The following AP5M1 variants were observed in gnomAD, a reference collection of about 807,000 sequenced individuals.
AP5M1 encodes the protein adaptor related protein complex 5 subunit mu 1.
A neutral mutation model predicts 52.3 loss-of-function variants in AP5M1; 44 were observed. The ratio of observed to expected loss-of-function variants is 0.84; its 90% confidence interval spans 0.66 to 1.08. The LOEUF is 1.08. AP5M1 is among the 50% of genes least tolerant of loss of function. AP5M1 has a pLI of 0.00. For synonymous variants in AP5M1, 213 were observed against 199.0 expected, an observed-to-expected ratio of 1.07 and a Z score of -0.59; for missense variants, 526 against 568.4, an observed-to-expected ratio of 0.93 and a Z score of 0.76.
rs769675499 is a variant in AP5M1 at position 57,274,778 on chromosome 14, C to T, written c.609C>T (p.Tyr203=). ...AGCCAGCTTGGAAAACTGGGACGTA[C>T]AAAGGAAAACCACAAGTTTCTATTT... is the stretch of plus-strand genomic sequence containing the variant. ...QKQPAWKTGT[Y]KGKPQVSISI... The change falls in exon 2 of 8, where the codon TAC becomes TAT. Residue 203 remains tyrosine (Y), a synonymous_variant. Coordinates refer to ENST00000261558, the MANE Select transcript of AP5M1 (RefSeq NM_018229.4). The T allele has an allele frequency of 1.9e-6, 3 of 1,614,052 alleles. No individual in the cohort carries two copies. Among genetic ancestry groups the T allele is most frequent in the East Asian group, 4.5e-5 (2 of 44,872 alleles).
intron 1 of AP5M1, among the ~76,000 whole-genome samples, chr14:57,273,980 C>G (rs953777144): frequency 8.5e-5 from 13 of 152,138 alleles, no homozygotes; most frequent in African/African-American, 3.1e-4. Context: ...CAATCATGTA[C>G]TCTACCTAAA....
At position 57,294,253 on chromosome 14, in the gene AP5M1, A is replaced by C. The variant is rs1833873457; in HGVS notation, c.*5369A>C. 6.6e-6 allele frequency: 1 copy of C among 151,836 alleles called. No homozygotes were observed. The highest frequency in any genetic ancestry group is 3.2e-3 in the Middle Eastern group (1 of 316). The allele number at this position is 151,836 out of a possible 1,614,324, so 9.4% of individuals were successfully genotyped here. On this transcript the variant is annotated 3_prime_UTR_variant, in exon 8 of 8. Coordinates refer to ENST00000261558, the MANE Select transcript of AP5M1 (RefSeq NM_018229.4). ...AAACCACCTGCTGAATTTTTTTTCCAGTAGGATGTGAAATTTTGCACTTCT... is the reference window on the plus strand; with the variant it reads ...AAACCACCTGCTGAATTTTTTTTCCCGTAGGATGTGAAATTTTGCACTTCT...
chr14:57,271,160 G>GTAC (rs1555331165), intron 1 of AP5M1: 1 of 152,222 alleles, frequency 6.6e-6, no homozygotes, highest in African/African-American at 2.4e-5. Flanking sequence ...TTGCTCTGTA[G>GTAC]TACTCATGGT....
chr14:57,271,823 G>A (rs1401534288), intron 1 of AP5M1, among the ~76,000 whole-genome samples: 3 of 152,054 alleles, frequency 2.0e-5, no homozygotes, highest in Admixed American at 2.0e-4. Flanking sequence ...GTCCATCTTT[G>A]GATATGATGT....
At chr14:57,275,608 G>A (rs75160644) in intron 2 of AP5M1, 10 of 152,292 alleles carry the variant, frequency 6.6e-5, no homozygotes, top group African/African-American at 2.4e-4. Context: ...GTGGAATAAG[G>A]CTCCACCTAT....
In AP5M1 at chr14:57,290,403, C is replaced by A. The variant is rs942639132; in HGVS notation, c.*1519C>A. 6 of 151,900 alleles carry A rather than the reference C, an allele frequency of 3.9e-5. No individual in the cohort carries two copies. The highest frequency in any genetic ancestry group is 1.4e-4 in the African/African-American group (6 of 41,392). 9.4% of individuals were successfully genotyped at this position (151,900 alleles called of 1,614,324 possible). On this transcript the variant is annotated 3_prime_UTR_variant, in exon 8 of 8. Coordinates refer to ENST00000261558, the MANE Select transcript of AP5M1 (RefSeq NM_018229.4). ...TTTTGAAAGAAGAAAATATCATTCC[C>A]TATAAGTTATTTGATCTCTCTTAAA...
chr14:57,274,507 A>T lies in AP5M1; in HGVS notation c.338A>T (p.Glu113Val), dbSNP rs1013032443. The T allele has an allele frequency of 8.7e-6, 14 of 1,614,224 alleles. No individual in the cohort carries two copies. The highest frequency in any genetic ancestry group is 1.2e-5 in the Non-Finnish European group (14 of 1,180,038). Reference sequence around the variant, plus strand: ...ATATATGCTTGTGTTCCACTAGTTGAACAAACTCTGTCCCCTCGTCCGCCA... The same window carrying T: ...ATATATGCTTGTGTTCCACTAGTTGTACAAACTCTGTCCCCTCGTCCGCCA... ...DMIYACVPLV[E>V]QTLSPRPPLI... Residue 113 changes from glutamate (E) to valine (V), a missense_variant, in exon 2 of 8, where the codon GAA becomes GTA. Glu to Val is a moderately radical substitution (Grantham distance 121). Transcript: ENST00000261558.
Position 57,291,249 on chromosome 14 carries a change from A to T in AP5M1, c.*2365A>T, listed in dbSNP as rs1885428165. On this transcript the variant is annotated 3_prime_UTR_variant, in exon 8 of 8. Transcript: ENST00000261558. ...TGAATATGAGCAACTACTTCCAGTG[A>T]AAGATTTGGATAGTGTCAGACCTTC... 1.3e-5 allele frequency: 2 copies of T among 151,920 alleles called. No homozygotes were observed. Among genetic ancestry groups the T allele is most frequent in the African/African-American group, 2.4e-5 (1 of 41,408 alleles). 9.4% of individuals were successfully genotyped at this position (151,920 alleles called of 1,614,324 possible).
chr14:57,290,493 T>C lies in AP5M1; in HGVS notation c.*1609T>C, dbSNP rs1885413865. Reference sequence around the variant, plus strand: ...GTAATGGAGCCATTTGGAATCTTGATTGTATAAATGTTTACCAAATACACT... The same window carrying C: ...GTAATGGAGCCATTTGGAATCTTGACTGTATAAATGTTTACCAAATACACT... On this transcript the variant is annotated 3_prime_UTR_variant, in exon 8 of 8. Coordinates refer to ENST00000261558, the MANE Select transcript of AP5M1 (RefSeq NM_018229.4). 1 of 152,000 alleles carries C rather than the reference T, an allele frequency of 6.6e-6. No homozygotes were observed. The highest frequency in any genetic ancestry group is 6.6e-5 in the Admixed American group (1 of 15,232). The allele number at this position is 152,000 out of a possible 1,614,324, so 9.4% of individuals were successfully genotyped here.
rs886124398 is a variant in AP5M1 at position 57,292,152 on chromosome 14, C to CA, written c.*3273dup. The CA allele has an allele frequency of 4.6e-5, 7 of 151,790 alleles. No individual in the cohort carries two copies. The highest frequency in any genetic ancestry group is 1.7e-4 in the African/African-American group (7 of 41,366). The allele number at this position is 151,790 out of a possible 1,614,324, so 9.4% of individuals were successfully genotyped here. On this transcript the variant is annotated 3_prime_UTR_variant, in exon 8 of 8. Transcript: ENST00000261558. Reference sequence around the variant, plus strand: ...CCAGGCTGCTGAAAGGAAAAGGAGGCAAAAAGCTAAACATGGGATGAATTC... The same window carrying CA: ...CCAGGCTGCTGAAAGGAAAAGGAGGCAAAAAAGCTAAACATGGGATGAATTC...
chr14:57,272,549 AT>A (rs1262620859), intron 1 of AP5M1, among the ~76,000 whole-genome samples: 1 of 152,348 alleles, frequency 6.6e-6, no homozygotes, highest in East Asian at 1.9e-4. Flanking sequence ...TAAATTAGAA[AT>A]GATAGGTTGA....
chr14:57,280,811 A>C (rs1885154809), intron 3 of AP5M1, among the ~76,000 whole-genome samples: 1 of 151,974 alleles, frequency 6.6e-6, no homozygotes, highest in African/African-American at 2.4e-5. Context: ...AGATCGCACC[A>C]GCGCACTCCA....
rs938462370 is a variant in AP5M1, at chr14:57,289,936, T to G, written c.*1052T>G. ...TTCTGCAATTATATATCATATTATG[T>G]TTTCAGAGCAGTTCATTGTCAAGTT... is the stretch of plus-strand genomic sequence containing the variant. On this transcript the variant is annotated 3_prime_UTR_variant, in exon 8 of 8. Coordinates refer to ENST00000261558, the MANE Select transcript of AP5M1 (RefSeq NM_018229.4). 1.3e-5 allele frequency: 2 copies of G among 151,970 alleles called. No homozygotes were observed. The highest frequency in any genetic ancestry group is 2.9e-5 in the Non-Finnish European group (2 of 67,932). 9.4% of individuals were successfully genotyped at this position (151,970 alleles called of 1,614,324 possible). A position where few individuals can be genotyped will look rare whatever the true frequency, so the allele number is the denominator to read the frequency against.
At position 57,288,749 on chromosome 14, in the gene AP5M1, G is replaced by A. The variant is rs569080416; in HGVS notation, c.1391-53G>A. The stretch of plus-strand genomic sequence containing the variant: ...TTTCAAAAATCATGACTTTGCTCTC[G>A]TTGAATTTTTGCTGAAATAGTCTTA... On this transcript the variant is annotated intron_variant, in intron 7 of 7. Transcript: ENST00000261558. 132 of 1,131,010 alleles carry A rather than the reference G, an allele frequency of 1.2e-4. No individual in the cohort carries two copies. In the South Asian group the frequency reaches 1.3e-3, roughly 11 times the overall value. The allele number at this position is 1,131,010 out of a possible 1,614,324, so 70.1% of individuals were successfully genotyped here.
At chr14:57,274,112 G>C (rs1884958654) in intron 1 of AP5M1, 132 bp from the exon 2 acceptor site, 2 of 960,354 alleles carry the variant, frequency 2.1e-6, no homozygotes, top group African/African-American at 3.3e-5. Context: ...TTGTGGATGT[G>C]TGTATATATT....
At chr14:57,272,370 CTCTA>C (rs1405972236) in intron 1 of AP5M1, among the ~76,000 whole-genome samples, 2 of 152,134 alleles carry the variant, frequency 1.3e-5, no homozygotes, top group Non-Finnish European at 2.9e-5. Context: ...ATGATGTTTT[CTCTA>C]TCTAAGTACT....
intron 4 of AP5M1, 69 bp from the exon 5 acceptor site, chr14:57,282,865 G>C (rs1332022775): frequency 9.2e-7 from 1 of 1,091,564 alleles, no homozygotes; most frequent in Admixed American, 2.4e-5. Flanking sequence ...CAGTGGCCAA[G>C]TTTGACTTAG....
At chr14:57,286,669 T>C (rs1885315686) in intron 7 of AP5M1, 1 of 179,890 alleles carries the variant, frequency 5.6e-6, no homozygotes, top group African/African-American at 2.4e-5. Context: ...TGTATAACTT[T>C]GGGCAAGTTA....
At chr14:57,283,604 TTTTG>T (rs562319449) in intron 6 of AP5M1, among the ~76,000 whole-genome samples, 30 of 151,980 alleles carry the variant, frequency 2.0e-4, no homozygotes, top group African/African-American at 5.8e-4. Flanking sequence ...ACAAGGGTTT[TTTTG>T]TTTGTTTGTT....
Sources: gnomAD v4.1 joint callset for allele counts (sites outside exome capture counted in the v4.1 genomes callset) on GRCh38, gnomAD v4.1.1 for gene constraint, MANE v1.5 for transcripts, NCBI Gene and HGNC (gene_info 2026-07-23, HGNC 2026-07-21) for gene names.